The following CDK12 variants were observed in gnomAD, a reference collection of about 807,000 sequenced individuals.
CDK12 encodes cyclin-dependent kinase 12.
CDK12 carries 17 observed loss-of-function variants against 133.8 expected under a neutral mutation model. The ratio of observed to expected loss-of-function variants is 0.13; its 90% CI spans 0.09 to 0.19. CDK12 has a LOEUF of 0.19. Ranked by LOEUF, CDK12 falls within the 10% of genes least tolerant of loss-of-function variation. CDK12 has a pLI of 1.00. For missense variants in CDK12, 1,508 were observed against 1,818.7 expected (o/e 0.83, Z 3.11); for synonymous variants, 694 against 683.6 (o/e 1.02, Z -0.24).
chr17:39,490,850 G>T, intron 3 of CDK12, 117 bp downstream of exon 3: 1 of 700,180 alleles, frequency 1.4e-6, no homozygotes, highest in Non-Finnish European at 2.1e-6. Context: ...TGGTCCCAAA[G>T]TATTTTTTAA....
intron 1 of CDK12, 118 bp downstream of exon 1, chr17:39,463,235 T>C: frequency 1.2e-6 from 1 of 855,058 alleles, no homozygotes; most frequent in Non-Finnish European, 1.8e-6. Flanking sequence ...AACACTTTGC[T>C]GTTGGCTAGT....
chr17:39,509,437 T>C (rs1351648246), intron 6 of CDK12, among the ~76,000 whole-genome samples: 1 of 152,224 alleles, frequency 6.6e-6, no homozygotes, highest in Non-Finnish European at 1.5e-5. Flanking sequence ...AATAATAGTT[T>C]TTTTTTGTTT....
intron 6 of CDK12, among the ~76,000 whole-genome samples, 153 bp downstream of exon 6, chr17:39,501,592 A>G (rs182214903): frequency 6.6e-6 from 1 of 152,302 alleles, no homozygotes; most frequent in East Asian, 1.9e-4. Context: ...GGAGAAACAT[A>G]CCTGCTCCTT....
intron 5 of CDK12, among the ~76,000 whole-genome samples, chr17:39,501,012 A>T (rs929124381): frequency 1.3e-5 from 2 of 152,146 alleles, no homozygotes; most frequent in Non-Finnish European, 2.9e-5. Context: ...CTGGGGTTAC[A>T]GGCATCAGCC....
At position 39,533,146 on chromosome 17, in the gene CDK12, G is replaced by A. The variant is rs1365116846; in HGVS notation, c.*1830G>A. 1 of 232,000 alleles carries A rather than the reference G, an allele frequency of 4.3e-6. No homozygotes were observed. The highest frequency in any genetic ancestry group is 8.5e-6 in the Non-Finnish European group (1 of 117,608). The allele number at this position is 232,000 out of a possible 1,614,324, so 14.4% of individuals were successfully genotyped here. ...ACTTACTTGAAGACTGTTTTCCCCT[G>A]TTAATGAGATATAGCTAGATATCGG... On this transcript the variant is annotated 3_prime_UTR_variant, in exon 14 of 14. Transcript: ENST00000447079.
downstream of CDK12, among the ~76,000 whole-genome samples, chr17:39,535,781 C>T (rs936348575): frequency 7.2e-5 from 11 of 152,270 alleles, 1 homozygote; most frequent in Admixed American, 7.2e-4. Flanking sequence ...TGGTGCTGAT[C>T]TTGGGATTTC....
At position 39,466,615 on chromosome 17, in the gene CDK12, G is replaced by GAAAAAAAAA. The variant is rs71147339; in HGVS notation, c.1046+3530_1046+3538dup. On this transcript the variant is annotated intron_variant, in intron 1 of 13. Transcript: ENST00000447079. ...GGGCAACAAGAGTGAAACTCTATCT[G>GAAAAAAAAA]AAAAAAAAAAAAAAAAAAAAAAAAA... Among the ~76,000 whole-genome samples the GAAAAAAAAA allele has an allele frequency of 2.5e-4, 8 of 31,480 alleles. 1 individual carries two copies. The highest frequency in any genetic ancestry group is 5.9e-4 in the African/African-American group (6 of 10,134). 20.7% of individuals were successfully genotyped at this position (31,480 alleles called of 152,430 possible).
chr17:39,552,262 G>A (rs895568234), intron 2 of CDK12, among the ~76,000 whole-genome samples: 1 of 152,188 alleles, frequency 6.6e-6, no homozygotes, highest in African/African-American at 2.4e-5. Context: ...GGGCCCCAGG[G>A]GTGTCAGCAG....
At chr17:39,520,217 G>T in intron 11 of CDK12, 130 bp downstream of exon 11, 2 of 951,892 alleles carry the variant, frequency 2.1e-6, no homozygotes, top group South Asian at 2.0e-5. Context: ...TATGGTTGAG[G>T]TTTGTTTTTT....
chr17:39,524,564 A>C, intron 11 of CDK12, 110 bp from the exon 12 acceptor site: 1 of 942,610 alleles, frequency 1.1e-6, no homozygotes, highest in South Asian at 1.6e-5. Context: ...TGTTTTCCTT[A>C]TTCTTTACAT....
rs149519914 is a variant in CDK12, at chr17:39,503,262, G to A, written c.2609+1823G>A. 4.3e-3 allele frequency among the ~76,000 whole-genome samples: 650 copies of A among 152,186 alleles called. 1 individual carries two copies. The highest frequency in any genetic ancestry group is 6.8e-3 in the Non-Finnish European group (464 of 68,000). On this transcript the variant is annotated intron_variant, in intron 6 of 13. Transcript: ENST00000447079. ...TAATTTTTCTATTTTTAGTAGAGAC[G>A]GGATTTCACCATATTGACCAGGCTG...
At chr17:39,518,992 C>T (rs1477465645) in intron 10 of CDK12, among the ~76,000 whole-genome samples, 1 of 152,154 alleles carries the variant, frequency 6.6e-6, no homozygotes, top group Non-Finnish European at 1.5e-5. Context: ...ACCTCCGCCT[C>T]CTGGGTTTAA....
At chr17:39,523,216 G>A (rs1034029600) in intron 11 of CDK12, among the ~76,000 whole-genome samples, 6 of 152,136 alleles carry the variant, frequency 3.9e-5, no homozygotes, top group Admixed American at 6.6e-5. Context: ...GCTCATGCCT[G>A]TAATCCCAGC....
intron 5 of CDK12, among the ~76,000 whole-genome samples, chr17:39,498,870 T>TTA (rs2052352448): frequency 3.3e-4 from 1 of 3,012 alleles, no homozygotes; most frequent in Non-Finnish European, 5.4e-4. Context: ...ATACTATGAT[T>TTA]TTCTCTTTCT....
At chr17:39,466,864 A>T (rs1213000076) in intron 1 of CDK12, among the ~76,000 whole-genome samples, 2 of 152,136 alleles carry the variant, frequency 1.3e-5, no homozygotes, top group Non-Finnish European at 2.9e-5. Flanking sequence ...AATTCTAAAC[A>T]GTACAAAAAT....
At chr17:39,479,308 GAAAAAA>G (rs34077108) in intron 2 of CDK12, among the ~76,000 whole-genome samples, 23 of 100,428 alleles carry the variant, frequency 2.3e-4, no homozygotes, top group Admixed American at 1.4e-3. Flanking sequence ...GACTCCGTCT[GAAAAAA>G]AAAAAAAAAA....
chr17:39,479,736 C>A (rs2050489147), intron 2 of CDK12, among the ~76,000 whole-genome samples: 1 of 151,552 alleles, frequency 6.6e-6, no homozygotes, highest in South Asian at 2.1e-4. Flanking sequence ...AAGCAATTCT[C>A]CTGCCTCAGC....
At chr17:39,502,213 C>T (rs7226215) in intron 6 of CDK12, among the ~76,000 whole-genome samples, 7,833 of 151,898 alleles carry the variant, frequency 0.052, 665 homozygotes, top group African/African-American at 0.18. Context: ...AGTGCAGTGG[C>T]GCGATCTCAC....
downstream of CDK12, among the ~76,000 whole-genome samples, chr17:39,565,862 C>T (rs2056555973): frequency 6.6e-6 from 1 of 152,208 alleles, no homozygotes; most frequent in African/African-American, 2.4e-5. Context: ...CCCCATTTTT[C>T]AGTCACTAGG....
Sources: allele counts gnomAD v4.1 joint callset (sites outside exome capture counted in the v4.1 genomes callset), GRCh38; gene constraint gnomAD v4.1.1; transcripts MANE v1.5; gene names NCBI Gene and HGNC (gene_info 2026-07-23, HGNC 2026-07-21).